HTT: variants seen among roughly 807,000 people sequenced by gnomAD.
HTT encodes huntington disease protein.
A neutral mutation model predicts 362.3 loss-of-function variants in HTT; 104 were observed. The observed-to-expected ratio is 0.29, with a 90% CI of 0.24 to 0.34. HTT has a LOEUF of 0.34. HTT is among the 10% of genes least tolerant of loss of function. The pLI is 1.00. For synonymous variants in HTT, 1,577 were observed against 1,548.7 expected (o/e 1.02, Z -0.43); for missense variants, 3,301 against 3,928.6 (o/e 0.84, Z 4.27).
intron 1 of HTT, among the ~76,000 whole-genome samples, chr4:3,085,735 A>G (rs1713172540): frequency 1.3e-5 from 2 of 152,230 alleles, no homozygotes; most frequent in South Asian, 2.1e-4. Context: ...TTTCTTTGGT[A>G]ATACAATTTT....
intron 6 of HTT, among the ~76,000 whole-genome samples, chr4:3,113,313 A>G (rs1035814969): frequency 2.6e-5 from 4 of 151,758 alleles, no homozygotes; most frequent in African/African-American, 9.7e-5. Flanking sequence ...GTGCTTGTCT[A>G]TTTGGACTCA....
chr4:3,142,785 C>G lies in HTT; in HGVS notation c.2965C>G (p.Leu989Val), dbSNP rs777886128. 35 of 1,532,520 alleles carry G rather than the reference C, an allele frequency of 2.3e-5. No individual in the cohort carries two copies. Among genetic ancestry groups the G allele is most frequent in the Middle Eastern group, 1.7e-4 (1 of 5,924 alleles). The allele number at this position is 1,532,520 out of a possible 1,614,324, so 94.9% of individuals were successfully genotyped here. A position where few individuals can be genotyped will look rare whatever the true frequency, so the allele number is the denominator to read the frequency against. The change falls in exon 23 of 67, where the codon CTA (leucine) becomes GTA (valine). Residue 989 changes from leucine to valine, a missense_variant. By Grantham distance (32) the Leu-to-Val change is conservative. Coordinates refer to ENST00000355072, the MANE Select transcript of HTT (RefSeq NM_001388492.1). ...TITRIYRGYN[L>V]LPSITDVTME... Reference sequence around the variant, plus strand: ...TATTAGAATATATAGAGGCTATAACCTACTACCAAGCATAACAGACGTCAC... The same window carrying G: ...TATTAGAATATATAGAGGCTATAACGTACTACCAAGCATAACAGACGTCAC...
chr4:3,141,863 G>A (rs1716363432), intron 22 of HTT, among the ~76,000 whole-genome samples: 1 of 152,120 alleles, frequency 6.6e-6, no homozygotes, highest in Non-Finnish European at 1.5e-5. Flanking sequence ...CTCAGAACTG[G>A]CATTTTCTCT....
intron 42 of HTT, among the ~76,000 whole-genome samples, 156 bp downstream of exon 42, chr4:3,204,304 C>A (rs577976904): frequency 6.6e-6 from 1 of 152,316 alleles, no homozygotes; most frequent in East Asian, 1.9e-4. Flanking sequence ...TTTACTTCTG[C>A]TGTGACATAT....
intron 51 of HTT, 72 bp downstream of exon 51, chr4:3,215,283 C>A: frequency 8.7e-7 from 1 of 1,153,218 alleles, no homozygotes; most frequent in Non-Finnish European, 1.3e-6. Flanking sequence ...CAGAGACGTG[C>A]ACCGCGGTGA....
chr4:3,239,654 C>G (rs551284586), intron 66 of HTT, among the ~76,000 whole-genome samples, 192 bp from the exon 67 acceptor site: 1 of 152,306 alleles, frequency 6.6e-6, no homozygotes, highest in African/African-American at 2.4e-5. Context: ...TCCAGCCAGC[C>G]AAGGGTTGCA....
intron 21 of HTT, among the ~76,000 whole-genome samples, chr4:3,138,824 A>C (rs1716205439): frequency 6.6e-6 from 1 of 152,054 alleles, no homozygotes. Context: ...TGTTGGCCAG[A>C]CTGGTCTCAA....
At chr4:3,235,171 G>A (rs1217302056) in intron 61 of HTT, 113 bp from the exon 62 acceptor site, 10 of 765,396 alleles carry the variant, frequency 1.3e-5, no homozygotes, top group African/African-American at 1.0e-4. Flanking sequence ...AGGCGCTCCC[G>A]GGAGCCCGCC....
At chr4:3,123,181 A>G (rs1042641831) in intron 10 of HTT, 6 of 374,936 alleles carry the variant, frequency 1.6e-5, no homozygotes, top group Non-Finnish European at 2.8e-5. Flanking sequence ...TGAACGCATC[A>G]TAAATTTCTA....
chr4:3,078,761 G>T (rs1712708977), intron 1 of HTT, among the ~76,000 whole-genome samples: 1 of 151,016 alleles, frequency 6.6e-6, no homozygotes, highest in Admixed American at 6.6e-5. Flanking sequence ...CCGAGACGGA[G>T]TCTTGCTCTG....
rs368558678 is a variant in HTT at position 3,082,472 on chromosome 4, G to T, written c.264-4467G>T. Among the ~76,000 whole-genome samples, 145 of 152,308 alleles carry T rather than the reference G, an allele frequency of 9.5e-4. 5 individuals carry two copies. The South Asian group carries it at 0.027, about 28-fold the overall frequency. On this transcript the variant is annotated intron_variant, in intron 1 of 66. Transcript: ENST00000355072. Reference sequence around the variant, plus strand: ...TGTATTAAATTGGATCAATTTGGGGGCTAGAATGTATGTTAGAGACATGAT... The same window carrying T: ...TGTATTAAATTGGATCAATTTGGGGTCTAGAATGTATGTTAGAGACATGAT...
At chr4:3,151,938 A>AT (rs915635433) in intron 26 of HTT, among the ~76,000 whole-genome samples, 3 of 151,836 alleles carry the variant, frequency 2.0e-5, no homozygotes, top group Non-Finnish European at 4.4e-5. Flanking sequence ...ATTTAATTTA[A>AT]TTTTTTTGAG....
At chr4:3,103,060 G>A (rs991869132) in intron 3 of HTT, among the ~76,000 whole-genome samples, 6 of 151,872 alleles carry the variant, frequency 4.0e-5, no homozygotes, top group African/African-American at 1.5e-4. Context: ...CAGAGCGAGG[G>A]TCTGTGGTTT....
chr4:3,141,801 CA>C (rs1716360292), intron 22 of HTT, among the ~76,000 whole-genome samples: 1 of 152,218 alleles, frequency 6.6e-6, no homozygotes, highest in South Asian at 2.1e-4. Flanking sequence ...AACATGGAGA[CA>C]TTTTTTTGGC....
intron 1 of HTT, among the ~76,000 whole-genome samples, chr4:3,084,026 T>C (rs1288396267): frequency 6.6e-6 from 1 of 152,178 alleles, no homozygotes; most frequent in Non-Finnish European, 1.5e-5. Context: ...TATGATTCTA[T>C]GTTTTTTTGC....
At chr4:3,177,112 T>A (rs1197024548) in intron 33 of HTT, among the ~76,000 whole-genome samples, 1 of 152,246 alleles carries the variant, frequency 6.6e-6, no homozygotes, top group African/African-American at 2.4e-5. Flanking sequence ...GTTTTTCCAA[T>A]GAGATTTCAC....
chr4:3,203,343 G>A lies in HTT; in HGVS notation c.5577-664G>A, dbSNP rs1719678530. On this transcript the variant is annotated intron_variant, in intron 41 of 66. Transcript: ENST00000355072. ...CCGTTAAGGCCCTTTGCCGCAATGG[G>A]AAGGACGTCGCTCGGTCAGACCCTG... Among the ~76,000 whole-genome samples the A allele has an allele frequency of 2.6e-5, 4 of 152,240 alleles. No individual in the cohort carries two copies. In the South Asian group the frequency reaches 8.3e-4, roughly 32 times the overall value.
chr4:3,150,132 C>T (rs1187159203), intron 26 of HTT, among the ~76,000 whole-genome samples: 1 of 152,200 alleles, frequency 6.6e-6, no homozygotes, highest in African/African-American at 2.4e-5. Flanking sequence ...AGGCCGTCTT[C>T]TCTCTTTGTA....
chr4:3,120,710 G>C (rs2110177093), intron 8 of HTT, among the ~76,000 whole-genome samples: 1 of 152,338 alleles, frequency 6.6e-6, no homozygotes, highest in South Asian at 2.1e-4. Flanking sequence ...GTCTCGTCTT[G>C]AAACCATCCC....
Sources: allele counts gnomAD v4.1 joint callset (sites outside exome capture counted in the v4.1 genomes callset), GRCh38; gene constraint gnomAD v4.1.1; transcripts MANE v1.5; gene names NCBI Gene and HGNC (gene_info 2026-07-23, HGNC 2026-07-21).